The following NAALADL2 variants were observed in gnomAD, a reference collection of about 807,000 sequenced individuals.
NAALADL2 encodes inactive N-acetylated-alpha-linked acidic dipeptidase-like protein 2.
Under a neutral mutation model 87.2 loss-of-function variants are expected in NAALADL2, and 76 were observed. The observed-to-expected ratio is 0.87, with a 90% CI of 0.72 to 1.05. The LOEUF (loss-of-function observed/expected upper bound fraction) is 1.05, where lower values mean the gene tolerates loss of function less well. Among genes scored for constraint, NAALADL2 ranks in the 50% least tolerant of loss-of-function variants. The pLI is 0.00. For synonymous variants in NAALADL2, 354 were observed against 331.0 expected, an observed-to-expected ratio of 1.07 and a Z score of -0.75; for missense variants, 1,089 against 945.8, an observed-to-expected ratio of 1.15 and a Z score of -1.99.
At chr3:174,701,445 T>C (rs958040237) in intron 2 of NAALADL2, among the ~76,000 whole-genome samples, 6 of 152,104 alleles carry the variant, frequency 3.9e-5, no homozygotes, top group Non-Finnish European at 8.8e-5. Context: ...TCTTTTTGAA[T>C]AGTTTTATTT....
chr3:174,619,683 GT>G (rs1324238345), intron 2 of NAALADL2, among the ~76,000 whole-genome samples: 1 of 151,922 alleles, frequency 6.6e-6, no homozygotes, highest in Non-Finnish European at 1.5e-5. Context: ...GTTTGAATGT[GT>G]TTTCAAAGCG....
At chr3:175,435,996 C>A (rs1264018441) in intron 5 of NAALADL2, among the ~76,000 whole-genome samples, 3 of 115,510 alleles carry the variant, frequency 2.6e-5, no homozygotes, top group Admixed American at 9.6e-5. Flanking sequence ...GCTATCCCTC[C>A]CCCCTCCCCC....
At chr3:174,582,376 T>G (rs1223503179) in intron 2 of NAALADL2, among the ~76,000 whole-genome samples, 1 of 152,132 alleles carries the variant, frequency 6.6e-6, no homozygotes, top group Non-Finnish European at 1.5e-5. Flanking sequence ...TTTTACAAAA[T>G]TTGCACACTG....
chr3:174,791,815 C>T (rs1578947633), intron 3 of NAALADL2, among the ~76,000 whole-genome samples: 1 of 152,024 alleles, frequency 6.6e-6, no homozygotes, highest in Non-Finnish European at 1.5e-5. Flanking sequence ...ACTGTAAGCT[C>T]CATAGAGGAC....
At chr3:175,491,862 G>T (rs866089614) in intron 9 of NAALADL2, among the ~76,000 whole-genome samples, 23 of 151,954 alleles carry the variant, frequency 1.5e-4, no homozygotes, top group African/African-American at 5.3e-4. Context: ...CCATAAAATG[G>T]AAAAAAGACT....
intron 10 of NAALADL2, among the ~76,000 whole-genome samples, chr3:175,593,317 G>C (rs551772553): frequency 6.6e-6 from 1 of 152,136 alleles, no homozygotes. Flanking sequence ...AGCAGGTAAT[G>C]CCTTGAAGTG....
At chr3:175,686,110 C>A (rs1736259008) in intron 11 of NAALADL2, among the ~76,000 whole-genome samples, 1 of 152,148 alleles carries the variant, frequency 6.6e-6, no homozygotes, top group Admixed American at 6.5e-5. Flanking sequence ...GGTTCCTCAT[C>A]CATGAATCCT....
intron 11 of NAALADL2, among the ~76,000 whole-genome samples, chr3:175,667,183 G>T (rs868313762): frequency 2.6e-5 from 1 of 38,262 alleles, no homozygotes; most frequent in Non-Finnish European, 4.8e-5. Flanking sequence ...GAAAGAAAGA[G>T]AAAGAAAGAA....
intron 9 of NAALADL2, among the ~76,000 whole-genome samples, chr3:175,478,266 A>G (rs1016423099): frequency 8.5e-5 from 13 of 152,058 alleles, no homozygotes; most frequent in African/African-American, 2.2e-4. Flanking sequence ...AAGCGACCAT[A>G]AAGACTAATG....
intron 2 of NAALADL2, among the ~76,000 whole-genome samples, chr3:174,629,582 C>T (rs1721911352): frequency 6.6e-6 from 1 of 152,154 alleles, no homozygotes; most frequent in Non-Finnish European, 1.5e-5. Flanking sequence ...TTATAATATG[C>T]TTTTAATGAA....
At chr3:174,632,320 G>C (rs1371629591) in intron 2 of NAALADL2, among the ~76,000 whole-genome samples, 10 of 152,180 alleles carry the variant, frequency 6.6e-5, no homozygotes, top group Non-Finnish European at 2.9e-5. Flanking sequence ...GAGCAGTAAA[G>C]AGAGGAGTTT....
At chr3:174,483,993 G>A (rs916188303) in intron 1 of NAALADL2, among the ~76,000 whole-genome samples, 7 of 152,076 alleles carry the variant, frequency 4.6e-5, no homozygotes, top group Admixed American at 4.6e-4. Flanking sequence ...CAGTAGAACA[G>A]GCTACAGATG....
intron 2 of NAALADL2, among the ~76,000 whole-genome samples, chr3:175,198,747 G>A (rs561524800): frequency 1.3e-5 from 2 of 151,398 alleles, no homozygotes; most frequent in Non-Finnish European, 2.9e-5. Flanking sequence ...ATACTTTCAA[G>A]CTAAAGTACT....
At chr3:175,658,594 A>T (rs1731819629) in intron 11 of NAALADL2, among the ~76,000 whole-genome samples, 1 of 152,166 alleles carries the variant, frequency 6.6e-6, no homozygotes, top group Non-Finnish European at 1.5e-5. Flanking sequence ...AAAACAAGGA[A>T]CAACAAACAA....
intron 2 of NAALADL2, among the ~76,000 whole-genome samples, chr3:175,201,855 G>A (rs1043505299): frequency 6.6e-6 from 1 of 151,794 alleles, no homozygotes; most frequent in African/African-American, 2.4e-5. Context: ...TGGCAGAGAG[G>A]AAAATTTGGA....
intron 4 of NAALADL2, among the ~76,000 whole-genome samples, chr3:175,293,531 G>T (rs1755923925): frequency 6.6e-6 from 1 of 152,104 alleles, no homozygotes; most frequent in Non-Finnish European, 1.5e-5. Flanking sequence ...ATTTGTGTCT[G>T]CCCCCCTCCA....
rs188169431 is a variant in NAALADL2 at position 174,588,450 on chromosome 3, G to A, written c.-115+37813G>A. On this transcript the variant is annotated intron_variant, in intron 2 of 3. Transcript: ENST00000434257. Reference sequence around the variant, plus strand: ...TGCGTTCCTTTGGAGGAGAAGAGGCGCTCTGATTTTTAGAATTTTCAGCTT... The same window carrying A: ...TGCGTTCCTTTGGAGGAGAAGAGGCACTCTGATTTTTAGAATTTTCAGCTT... 2.0e-3 allele frequency among the ~76,000 whole-genome samples: 308 copies of A among 152,254 alleles called. 2 individuals are homozygous for A. Among genetic ancestry groups the A allele is most frequent in the African/African-American group, 6.8e-3 (281 of 41,534 alleles).
chr3:175,436,236 A>T (rs1718645640), intron 5 of NAALADL2, among the ~76,000 whole-genome samples: 1 of 142,104 alleles, frequency 7.0e-6, no homozygotes, highest in Non-Finnish European at 1.5e-5. Context: ...ACATTTTCTT[A>T]ATCCAGTCTA....
intron 9 of NAALADL2, among the ~76,000 whole-genome samples, chr3:175,555,533 C>T (rs1715124683): frequency 6.6e-6 from 1 of 152,122 alleles, no homozygotes; most frequent in East Asian, 1.9e-4. Flanking sequence ...CATGGGTAAG[C>T]ATTTCCTACC....
Sources: gnomAD v4.1 joint callset for allele counts (sites outside exome capture counted in the v4.1 genomes callset) on GRCh38, gnomAD v4.1.1 for gene constraint, MANE v1.5 for transcripts, NCBI Gene and HGNC (gene_info 2026-07-23, HGNC 2026-07-21) for gene names.